The following TENM3 variants were observed in gnomAD, a reference collection of about 807,000 sequenced individuals.
TENM3 encodes the protein teneurin transmembrane protein 3.
A neutral mutation model predicts 255.1 loss-of-function variants in TENM3; 63 were observed. The ratio of observed to expected loss-of-function variants is 0.25; its 90% confidence interval spans 0.20 to 0.30. The LOEUF is 0.30. TENM3 is among the 10% of genes least tolerant of loss of function. TENM3 has a pLI of 1.00. For missense variants in TENM3, 2,929 were observed against 3,461.1 expected (o/e 0.85, Z 3.86); for synonymous variants, 1,306 against 1,322.3 (o/e 0.99, Z 0.27).
the TENM3 span, among the ~76,000 whole-genome samples, chr4:181,652,658 G>A: frequency 9.9e-5 from 15 of 152,242 alleles, no homozygotes; most frequent in East Asian, 2.5e-3. Flanking sequence ...GGTTTTGGCT[G>A]TTTCCCCTTC....
chr4:182,109,681 C>T, the TENM3 span, among the ~76,000 whole-genome samples: 7 of 152,328 alleles, frequency 4.6e-5, no homozygotes, highest in African/African-American at 1.4e-4. Context: ...GGATGCCATA[C>T]TGAGGTCCGA....
chr4:182,061,587 C>T, the TENM3 span, among the ~76,000 whole-genome samples: 3 of 152,200 alleles, frequency 2.0e-5, no homozygotes, highest in African/African-American at 4.8e-5. Flanking sequence ...TATATATTTA[C>T]GTGGTAATTG....
intron 4 of TENM3, among the ~76,000 whole-genome samples, chr4:182,605,397 A>G (rs1581079211): frequency 6.6e-6 from 1 of 152,100 alleles, no homozygotes; most frequent in Non-Finnish European, 1.5e-5. Flanking sequence ...TCCAAAAATG[A>G]AGAACCTAAG....
the TENM3 span, among the ~76,000 whole-genome samples, chr4:181,924,198 C>T: frequency 6.6e-6 from 1 of 152,166 alleles, no homozygotes; most frequent in Non-Finnish European, 1.5e-5. Context: ...TACCTGGCTA[C>T]AGGCAAACCC....
the TENM3 span, among the ~76,000 whole-genome samples, chr4:181,630,383 T>C: frequency 3.9e-4 from 60 of 152,300 alleles, no homozygotes; most frequent in African/African-American, 1.4e-3. Flanking sequence ...TCCGCTAGCT[T>C]TTGAATGTGT....
chr4:181,968,336 G>A, the TENM3 span, among the ~76,000 whole-genome samples: 1 of 152,246 alleles, frequency 6.6e-6, no homozygotes, highest in East Asian at 1.9e-4. Flanking sequence ...GAAACTTAAG[G>A]CAGGACATGT....
At chr4:182,768,387 G>A (rs1297792202) in intron 22 of TENM3, among the ~76,000 whole-genome samples, 5 of 152,128 alleles carry the variant, frequency 3.3e-5, no homozygotes, top group Non-Finnish European at 7.4e-5. Flanking sequence ...CATTGGGTTG[G>A]TAACAGTCTA....
chr4:182,748,582 G>C (rs1456794850), intron 19 of TENM3, among the ~76,000 whole-genome samples: 3 of 152,188 alleles, frequency 2.0e-5, no homozygotes, highest in Non-Finnish European at 4.4e-5. Context: ...ATGATTCAGA[G>C]CTTCACTGCC....
At chr4:182,325,036 A>G (rs990622001) in intron 2 of TENM3, among the ~76,000 whole-genome samples, 5 of 152,192 alleles carry the variant, frequency 3.3e-5, no homozygotes, top group African/African-American at 1.2e-4. Flanking sequence ...TTCTTCTAAT[A>G]CAGTCTTGAG....
the TENM3 span, among the ~76,000 whole-genome samples, chr4:181,824,887 T>C: frequency 1.3e-5 from 2 of 152,172 alleles, no homozygotes; most frequent in Admixed American, 1.3e-4. Context: ...GCCACCAGGT[T>C]ACAATGCGTT....
At chr4:182,094,941 TAA>T in the TENM3 span, among the ~76,000 whole-genome samples, 29 of 105,586 alleles carry the variant, frequency 2.7e-4, no homozygotes, top group Admixed American at 7.4e-4. Context: ...AAATAGAAGG[TAA>T]AAAAAAAAAA....
chr4:181,761,814 A>AT, the TENM3 span, among the ~76,000 whole-genome samples: 1 of 152,212 alleles, frequency 6.6e-6, no homozygotes, highest in African/African-American at 2.4e-5. Context: ...TGTCAAGCAC[A>AT]TTGCCTGGCA....
the TENM3 span, among the ~76,000 whole-genome samples, chr4:181,490,116 G>T: frequency 6.6e-6 from 1 of 152,146 alleles, no homozygotes; most frequent in Admixed American, 6.5e-5. Context: ...ATCAAATCAG[G>T]GTAATGGGGT....
the TENM3 span, among the ~76,000 whole-genome samples, chr4:181,671,743 T>C: frequency 1.3e-5 from 2 of 149,390 alleles, no homozygotes; most frequent in African/African-American, 2.6e-5. Context: ...AAGCAAACTT[T>C]ACTTTTTTTT....
chr4:181,494,594 C>G, the TENM3 span, among the ~76,000 whole-genome samples: 69,581 of 152,048 alleles, frequency 0.46, 16,494 homozygotes, highest in Non-Finnish European at 0.53. Context: ...CTCAGCTTCT[C>G]TTTTTCTTAT....
chr4:182,771,079 A>G (rs2152791433), intron 22 of TENM3, among the ~76,000 whole-genome samples: 1 of 152,288 alleles, frequency 6.6e-6, no homozygotes, highest in East Asian at 1.9e-4. Flanking sequence ...GAGAGTCTGA[A>G]CTTTCAGCTT....
the TENM3 span, among the ~76,000 whole-genome samples, chr4:181,637,501 C>T: frequency 5.3e-5 from 8 of 152,194 alleles, no homozygotes; most frequent in East Asian, 7.7e-4. Context: ...CCTATCCAGA[C>T]GTGAAGGAGA....
At chr4:182,713,944 C>A in intron 12 of TENM3, 143 bp from the exon 13 acceptor site, 1 of 634,984 alleles carries the variant, frequency 1.6e-6, no homozygotes, top group South Asian at 2.0e-5. Context: ...CCATAGATAA[C>A]GTTGCTGTTT....
the TENM3 span, among the ~76,000 whole-genome samples, chr4:181,761,257 T>C: frequency 3.9e-5 from 6 of 152,054 alleles, no homozygotes; most frequent in African/African-American, 1.2e-4. Flanking sequence ...ATGGCTAAAA[T>C]AAAAATCGTG....
Sources: allele counts gnomAD v4.1 joint callset (sites outside exome capture counted in the v4.1 genomes callset), GRCh38; gene constraint gnomAD v4.1.1; transcripts MANE v1.5; gene names NCBI Gene and HGNC (gene_info 2026-07-23, HGNC 2026-07-21).